The following AGO2 variants were observed in gnomAD, a reference collection of about 807,000 sequenced individuals.
AGO2 encodes the protein protein argonaute-2.
AGO2 carries 5 observed loss-of-function variants against 102.3 expected under a neutral mutation model. The ratio of observed to expected loss-of-function variants is 0.05; its 90% CI spans 0.03 to 0.10. The LOEUF (loss-of-function observed/expected upper bound fraction) is 0.10, where lower values mean the gene tolerates loss of function less well. Ranked by LOEUF, AGO2 falls within the 10% of genes least tolerant of loss-of-function variation. The pLI is 1.00. For synonymous variants in AGO2, 449 were observed against 473.1 expected, an observed-to-expected ratio of 0.95 and a Z score of 0.66; for missense variants, 541 against 1,183.7, an observed-to-expected ratio of 0.46 and a Z score of 7.97.
chr8:140,558,624 C>T (rs1017783348), intron 6 of AGO2, 52 bp from the exon 7 acceptor site: 2 of 1,579,122 alleles, frequency 1.3e-6, no homozygotes, highest in East Asian at 2.2e-5. Flanking sequence ...GACCTGAGTG[C>T]AGGCGCCACT....
intron 1 of AGO2, among the ~76,000 whole-genome samples, chr8:140,612,360 G>C (rs1471344378): frequency 1.3e-5 from 2 of 151,820 alleles, no homozygotes; most frequent in African/African-American, 4.8e-5. Flanking sequence ...CTGTGAGCTA[G>C]TGTGTTCCAA....
At chr8:140,537,485 C>T (rs1306596106) in intron 16 of AGO2, among the ~76,000 whole-genome samples, 1 of 152,046 alleles carries the variant, frequency 6.6e-6, no homozygotes, top group African/African-American at 2.4e-5. Context: ...AATTTCTTTT[C>T]GAGATGGGGT....
At chr8:140,597,261 C>T (rs1459867603) in intron 1 of AGO2, among the ~76,000 whole-genome samples, 3 of 152,230 alleles carry the variant, frequency 2.0e-5, no homozygotes, top group Non-Finnish European at 4.4e-5. Flanking sequence ...TTTACATACA[C>T]CCTTTCCGGC....
rs1160177342 is a variant in AGO2 at position 140,523,571 on chromosome 8, A to AT, written c.*8472dup. On this transcript the variant is annotated 3_prime_UTR_variant, in exon 19 of 19. Coordinates refer to ENST00000220592, the MANE Select transcript of AGO2 (RefSeq NM_012154.5). ...CACTTTGCTGCACAGAAACTTATAA[A>AT]TTATTCTCTCAAAACTTTTTAAAAA... 1 of 152,124 alleles carries AT rather than the reference A, an allele frequency of 6.6e-6. No individual in the cohort carries two copies. The highest frequency in any genetic ancestry group is 1.5e-5 in the Non-Finnish European group (1 of 68,004). The allele number at this position is 152,124 out of a possible 1,614,324, so 9.4% of individuals were successfully genotyped here. A position where few individuals can be genotyped will look rare whatever the true frequency, so the allele number is the denominator to read the frequency against.
chr8:140,573,931 C>A (rs943453752), intron 2 of AGO2, among the ~76,000 whole-genome samples: 1 of 152,194 alleles, frequency 6.6e-6, no homozygotes, highest in Non-Finnish European at 1.5e-5. Context: ...GTGCTGCTAC[C>A]CCTCCAGTCC....
At chr8:140,576,399 G>A (rs2073463646) in intron 2 of AGO2, among the ~76,000 whole-genome samples, 1 of 152,168 alleles carries the variant, frequency 6.6e-6, no homozygotes, top group South Asian at 2.1e-4. Flanking sequence ...ATCTAACAAA[G>A]AACTTGTATG....
intron 3 of AGO2, among the ~76,000 whole-genome samples, chr8:140,570,373 G>A (rs2073359356): frequency 6.6e-6 from 1 of 151,274 alleles, no homozygotes; most frequent in African/African-American, 2.4e-5. Flanking sequence ...CTATAGGCGT[G>A]TGCCCCTATG....
chr8:140,589,038 C>T lies in AGO2; in HGVS notation c.23-3727G>A, dbSNP rs1328328610. Among the ~76,000 whole-genome samples, 1 of 152,208 alleles carries T rather than the reference C, an allele frequency of 6.6e-6. No homozygotes were observed. Among genetic ancestry groups the T allele is most frequent in the Non-Finnish European group, 1.5e-5 (1 of 68,038 alleles). ...GAACAAAAAATTTCAGTATACACAG[C>T]GGACGTCAGCAGAGGTGGGCGGCAG... On this transcript the variant is annotated intron_variant, in intron 1 of 18. Transcript: ENST00000220592. This position sits in a 1 kb window ranked among gnomAD's most constrained non-coding sequence, Gnocchi z 4.2.
intron 16 of AGO2, among the ~76,000 whole-genome samples, chr8:140,536,050 A>G (rs2132864210): frequency 6.6e-6 from 1 of 152,218 alleles, no homozygotes; most frequent in Non-Finnish European, 1.5e-5. Flanking sequence ...CTTTGCCGGT[A>G]GCTTGCGCCC....
intron 1 of AGO2, among the ~76,000 whole-genome samples, chr8:140,620,979 T>A (rs1456306285): frequency 6.6e-6 from 1 of 152,158 alleles, no homozygotes; most frequent in African/African-American, 2.4e-5. Context: ...AATGGCATGA[T>A]CACAGCTCAC....
chr8:140,635,600 C>G lies in AGO2; in HGVS notation c.-94G>C. 1 of 878,324 alleles carries G rather than the reference C, an allele frequency of 1.1e-6. No individual in the cohort carries two copies. The highest frequency in any genetic ancestry group is 5.1e-5 in the South Asian group (1 of 19,800). 54.4% of individuals were successfully genotyped at this position (878,324 alleles called of 1,614,324 possible). Reference sequence around the variant, plus strand: ...AGCCGCGAGGGAGCCGCCGGCCGCACGATCCGCCCCGGCGCGGCCGCCTCG... The same window carrying G: ...AGCCGCGAGGGAGCCGCCGGCCGCAGGATCCGCCCCGGCGCGGCCGCCTCG... On this transcript the variant is annotated 5_prime_UTR_variant, in exon 1 of 19. Coordinates refer to ENST00000220592, the MANE Select transcript of AGO2 (RefSeq NM_012154.5).
chr8:140,547,763 C>T (rs1356155650), intron 12 of AGO2, 136 bp from the exon 13 acceptor site: 6 of 1,256,654 alleles, frequency 4.8e-6, no homozygotes, highest in African/African-American at 1.5e-5. Context: ...CTTTGCGTGT[C>T]CCCCTCTGTC....
chr8:140,634,229 C>A (rs983173248), intron 1 of AGO2, among the ~76,000 whole-genome samples: 1 of 152,260 alleles, frequency 6.6e-6, no homozygotes, highest in Non-Finnish European at 1.5e-5. Context: ...AGAAAAAAGA[C>A]GCGACATTCG....
At chr8:140,640,005 T>A (rs1352372510), upstream of AGO2, among the ~76,000 whole-genome samples, 2 of 108,034 alleles carry the variant, frequency 1.9e-5, no homozygotes, top group South Asian at 7.0e-4. Flanking sequence ...CAAGTTGCCA[T>A]TTTTTTTTAA....
At chr8:140,536,051 G>C (rs1025341996) in intron 16 of AGO2, among the ~76,000 whole-genome samples, 1 of 152,256 alleles carries the variant, frequency 6.6e-6, no homozygotes, top group African/African-American at 2.4e-5. Context: ...TTTGCCGGTA[G>C]CTTGCGCCCA....
At position 140,529,716 on chromosome 8, in the gene AGO2, G is replaced by A. The variant is rs1386241134; in HGVS notation, c.*2328C>T. 6.6e-6 allele frequency: 1 copy of A among 152,168 alleles called. No individual in the cohort carries two copies. The highest frequency in any genetic ancestry group is 1.5e-5 in the Non-Finnish European group (1 of 68,032). 9.4% of individuals were successfully genotyped at this position (152,168 alleles called of 1,614,324 possible). A position where few individuals can be genotyped will look rare whatever the true frequency, so the allele number is the denominator to read the frequency against. On this transcript the variant is annotated 3_prime_UTR_variant, in exon 19 of 19. Coordinates refer to ENST00000220592, the MANE Select transcript of AGO2 (RefSeq NM_012154.5). ...GGGTCCTCAGACCCCAGGGAGCCCA[G>A]GGCTGCAGGCCATCGCTTAGACACA... is the stretch of plus-strand genomic sequence containing the variant.
intron 1 of AGO2, among the ~76,000 whole-genome samples, chr8:140,609,082 G>A (rs141054662): frequency 1.3e-5 from 2 of 152,254 alleles, no homozygotes; most frequent in African/African-American, 4.8e-5. Flanking sequence ...GGCCTCAGCG[G>A]GGGAGCAGGA....
rs372439777 is a variant in AGO2, at chr8:140,540,048, C to T, written c.2035-594G>A. ...GAGGTTGCAGTGAGCCGAGATCCTGCCACTGCACTCCAGACTGGAGACAGC... is the reference window on the plus strand; with the variant it reads ...GAGGTTGCAGTGAGCCGAGATCCTGTCACTGCACTCCAGACTGGAGACAGC... On this transcript the variant is annotated intron_variant, in intron 15 of 18. Coordinates refer to ENST00000220592, the MANE Select transcript of AGO2 (RefSeq NM_012154.5). This position sits in a 1 kb window ranked among gnomAD's most constrained non-coding sequence, Gnocchi z 5.0. Among the ~76,000 whole-genome samples the T allele has an allele frequency of 1.3e-5, 2 of 152,078 alleles. No homozygotes were observed. The highest frequency in any genetic ancestry group is 3.9e-4 in the East Asian group (2 of 5,178).
intron 3 of AGO2, among the ~76,000 whole-genome samples, chr8:140,566,781 C>T (rs1222050567): frequency 6.6e-6 from 1 of 152,190 alleles, no homozygotes; most frequent in Admixed American, 6.5e-5. Flanking sequence ...GGACCAGTGG[C>T]TTGGCTGGGC....
Sources: gnomAD v4.1 joint callset for allele counts (sites outside exome capture counted in the v4.1 genomes callset) on GRCh38, gnomAD v4.1.1 for gene constraint, Gnocchi (gnomAD v3.1) non-coding constraint, MANE v1.5 for transcripts, NCBI Gene and HGNC (gene_info 2026-07-23, HGNC 2026-07-21) for gene names.